EFHD1: variants seen among roughly 807,000 people sequenced by gnomAD.
The protein encoded by EFHD1 is EF-hand domain-containing protein D1.
Under a neutral mutation model 17.2 loss-of-function variants are expected in EFHD1, and 10 were observed. That is an observed-to-expected ratio of 0.58 (90% CI 0.36 to 0.99). EFHD1 has a LOEUF of 0.99. Among genes scored for constraint, EFHD1 ranks in the 50% least tolerant of loss-of-function variants. The pLI, the probability that EFHD1 is intolerant of heterozygous loss-of-function variation, is 0.01. For missense variants in EFHD1, 310 were observed against 327.5 expected, an observed-to-expected ratio of 0.95 and a Z score of 0.41; for synonymous variants, 153 against 142.0, an observed-to-expected ratio of 1.08 and a Z score of -0.55.
At chr2:232,646,269 T>C (rs17297115) in intron 1 of EFHD1, among the ~76,000 whole-genome samples, 41,487 of 151,874 alleles carry the variant, frequency 0.27, 6,924 homozygotes, top group Non-Finnish European at 0.39. Context: ...TCCAGTTGGC[T>C]GTCACAGTCT....
chr2:232,681,866 A>C lies in EFHD1; in HGVS notation c.*147A>C. The C allele has an allele frequency of 7.7e-7, 1 of 1,303,778 alleles. No homozygotes were observed. The highest frequency in any genetic ancestry group is 2.6e-5 in the East Asian group (1 of 38,402). 80.8% of individuals were successfully genotyped at this position (1,303,778 alleles called of 1,614,324 possible). ...CGTGCCAGCTCCCGTGCCAGCCTTC[A>C]TTCCTCCCAGTGTCCAAGCCCCTCC... is the stretch of plus-strand genomic sequence containing the variant. On this transcript the variant is annotated 3_prime_UTR_variant, in exon 4 of 4. Coordinates refer to ENST00000264059, the MANE Select transcript of EFHD1 (RefSeq NM_025202.4).
chr2:232,608,463 A>C (rs1351739294), intron 1 of EFHD1, among the ~76,000 whole-genome samples: 2 of 152,234 alleles, frequency 1.3e-5, no homozygotes, highest in African/African-American at 4.8e-5. Flanking sequence ...TGTAAATGCT[A>C]TGTAGATAGT....
rs564339423 is a variant in EFHD1 at position 232,680,907 on chromosome 2, C to T, written c.586-678C>T. On this transcript the variant is annotated intron_variant, in intron 3 of 3. Coordinates refer to ENST00000264059, the MANE Select transcript of EFHD1 (RefSeq NM_025202.4). ...GGGGACTGGGTGCAGTGGCTCACGC[C>T]TGTAATCCCAGCACTTTGGGAGGCC... Among the ~76,000 whole-genome samples the T allele has an allele frequency of 2.1e-3, 317 of 152,212 alleles. 1 individual carries two copies. Among genetic ancestry groups the T allele is most frequent in the African/African-American group, 7.3e-3 (305 of 41,548 alleles).
In EFHD1 at chr2:232,676,407, C is replaced by T. The variant is rs116065686; in HGVS notation, c.585+3964C>T. 9.1e-3 allele frequency among the ~76,000 whole-genome samples: 1,387 copies of T among 152,126 alleles called. 20 individuals carry two copies. The highest frequency in any genetic ancestry group is 0.03 in the African/African-American group (1,254 of 41,510). On this transcript the variant is annotated intron_variant, in intron 3 of 3. Transcript: ENST00000264059. ...GGAGGTTAGGGAATGTCTTTTTTTC[C>T]GGGATCTGTCTGCCCGGCTGTAATT... is the stretch of plus-strand genomic sequence containing the variant.
In EFHD1 at chr2:232,681,973, T is replaced by C; in HGVS notation, c.*254T>C. On this transcript the variant is annotated 3_prime_UTR_variant, in exon 4 of 4. Transcript: ENST00000264059. ...CTCTGCCCTTCTTATAGCCAGAACT[T>C]GTATCTTCTCAGCAACCTTCACTTT... The C allele has an allele frequency of 4.5e-6, 2 of 448,602 alleles. No individual in the cohort carries two copies. The highest frequency in any genetic ancestry group is 7.8e-6 in the Non-Finnish European group (2 of 255,228). 27.8% of individuals were successfully genotyped at this position (448,602 alleles called of 1,614,324 possible).
intron 1 of EFHD1, among the ~76,000 whole-genome samples, chr2:232,635,866 T>C (rs1694310185): frequency 6.6e-6 from 1 of 151,664 alleles, no homozygotes; most frequent in Admixed American, 6.6e-5. Context: ...TGGCCTGGGA[T>C]CCCAGCAGAG....
In EFHD1 at chr2:232,633,905, GGGCGCTGCGCGGCCCC is replaced by G. The variant is rs1559342638; in HGVS notation, c.210_225del (p.Arg71GlyfsTer37). ...TGAGCCGGCGGCTGGACATCAACGA[GGGCGCTGCGCGGCCCC>G]GGCGCTGCAGGGTCTTCAACCCCTA... On this transcript the variant is annotated frameshift_variant, in exon 1 of 4. Transcript: ENST00000264059. LOFTEE classifies it high-confidence loss of function. The G allele has an allele frequency of 7.0e-6, 11 of 1,577,840 alleles. No individual in the cohort carries two copies. Among genetic ancestry groups the G allele is most frequent in the South Asian group, 1.1e-5 (1 of 89,636 alleles).
chr2:232,679,844 A>C (rs1392094239), intron 3 of EFHD1, among the ~76,000 whole-genome samples: 1 of 152,182 alleles, frequency 6.6e-6, no homozygotes. Flanking sequence ...TTTTTTGGCT[A>C]TCTGATTGGC....
At chr2:232,624,655 TC>T (rs1419868130) in intron 1 of EFHD1, among the ~76,000 whole-genome samples, 1 of 152,262 alleles carries the variant, frequency 6.6e-6, no homozygotes, top group Non-Finnish European at 1.5e-5. Context: ...GTTGTGTGAA[TC>T]ACTTTAAGGG....
intron 1 of EFHD1, among the ~76,000 whole-genome samples, chr2:232,608,680 C>T (rs949889287): frequency 6.6e-6 from 1 of 152,104 alleles, no homozygotes; most frequent in African/African-American, 2.4e-5. Flanking sequence ...CCTGTAATGC[C>T]AGCACTTTGA....
At chr2:232,619,577 T>G (rs1693985803) in intron 1 of EFHD1, among the ~76,000 whole-genome samples, 1 of 152,134 alleles carries the variant, frequency 6.6e-6, no homozygotes, top group Admixed American at 6.6e-5. Context: ...TCCCAAAGGC[T>G]GGAATTACGG....
At chr2:232,633,464 C>G, upstream of EFHD1, 1 of 1,234,372 alleles carries the variant, frequency 8.1e-7, no homozygotes, top group Non-Finnish European at 1.0e-6. Context: ...CGCAGACACC[C>G]AGACACCGGC....
intron 1 of EFHD1, among the ~76,000 whole-genome samples, chr2:232,624,492 CAG>C (rs1694074015): frequency 6.6e-6 from 1 of 152,260 alleles, no homozygotes; most frequent in African/African-American, 2.4e-5. Context: ...TGTGCCAACA[CAG>C]GGGCTCCAGG....
chr2:232,607,228 G>T (rs1693733287), intron 1 of EFHD1, among the ~76,000 whole-genome samples: 2 of 151,872 alleles, frequency 1.3e-5, no homozygotes, highest in Non-Finnish European at 1.5e-5. Flanking sequence ...GATCACTTGA[G>T]CCCAGGATTT....
chr2:232,607,118 A>C (rs1053017179), intron 1 of EFHD1, among the ~76,000 whole-genome samples: 1 of 151,552 alleles, frequency 6.6e-6, no homozygotes, highest in African/African-American at 2.4e-5. Flanking sequence ...CAGCCTCCCG[A>C]AGTGCTGGGA....
At chr2:232,663,769 A>G (rs1436299009) in intron 2 of EFHD1, among the ~76,000 whole-genome samples, 1 of 152,118 alleles carries the variant, frequency 6.6e-6, no homozygotes, top group Non-Finnish European at 1.5e-5. Context: ...TGTTTGAAAC[A>G]TTCTATTCCT....
chr2:232,659,203 C>T (rs1694815053), intron 1 of EFHD1, among the ~76,000 whole-genome samples: 1 of 151,972 alleles, frequency 6.6e-6, no homozygotes, highest in Non-Finnish European at 1.5e-5. Context: ...TAGTGCTTTG[C>T]AATGTAGCTC....
chr2:232,620,202 C>A (rs553155246), intron 1 of EFHD1, among the ~76,000 whole-genome samples: 3 of 149,930 alleles, frequency 2.0e-5, no homozygotes, highest in Middle Eastern at 3.4e-3. Context: ...TCCTGGCTAA[C>A]ACAGTGAAAC....
chr2:232,631,393 C>T (rs563712291), upstream of EFHD1, among the ~76,000 whole-genome samples: 2 of 151,974 alleles, frequency 1.3e-5, no homozygotes, highest in East Asian at 3.9e-4. Flanking sequence ...CTCCACCTCC[C>T]GGGCCCAAGT....
Sources: gnomAD v4.1 joint callset for allele counts (sites outside exome capture counted in the v4.1 genomes callset) on GRCh38, gnomAD v4.1.1 for gene constraint, MANE v1.5 for transcripts, NCBI Gene and HGNC (gene_info 2026-07-23, HGNC 2026-07-21) for gene names.